TMCO1: variants seen among roughly 807,000 people sequenced by gnomAD.
TMCO1 encodes the protein transmembrane and coiled-coil domains 1, also known as calcium load-activated calcium channel.
Under a neutral mutation model 29.3 loss-of-function variants are expected in TMCO1, and 29 were observed. The observed-to-expected ratio is 0.99, with a 90% CI of 0.74 to 1.35. TMCO1 has a LOEUF of 1.35. Ranked by LOEUF, TMCO1 falls within the 40% of genes most tolerant of loss-of-function variation. TMCO1 has a pLI of 0.00. For missense variants in TMCO1, 173 were observed against 225.5 expected (o/e 0.77, Z 1.49); for synonymous variants, 80 against 77.1 (o/e 1.04, Z -0.20).
At chr1:165,752,794 C>CAAA (rs1383946645) in intron 4 of TMCO1, among the ~76,000 whole-genome samples, 8 of 141,986 alleles carry the variant, frequency 5.6e-5, no homozygotes, top group African/African-American at 2.1e-4. Context: ...GACTCCGTCT[C>CAAA]AAAAAAAAAA....
chr1:165,725,466 G>T, downstream of TMCO1: 1 of 454,022 alleles, frequency 2.2e-6, no homozygotes, highest in Non-Finnish European at 4.4e-6. Context: ...ATAAACTCAG[G>T]TTTACTGTCA....
At chr1:165,741,914 T>C (rs1268897591) in intron 6 of TMCO1, among the ~76,000 whole-genome samples, 1 of 152,194 alleles carries the variant, frequency 6.6e-6, no homozygotes, top group Non-Finnish European at 1.5e-5. Context: ...CCTGAGGACT[T>C]CCCAGAAGTT....
In TMCO1 at chr1:165,727,527, C is replaced by T. The variant is rs1650950901; in HGVS notation, c.*496G>A. ...AGAAATACGGCAAAACAAAATGAAACAGATCTCTCCTTGTACATAAAACAG... is the reference window on the plus strand; with the variant it reads ...AGAAATACGGCAAAACAAAATGAAATAGATCTCTCCTTGTACATAAAACAG... On this transcript the variant is annotated 3_prime_UTR_variant, in exon 7 of 7. Transcript: ENST00000367881. 1 of 453,318 alleles carries T rather than the reference C, an allele frequency of 2.2e-6. No homozygotes were observed. Among genetic ancestry groups the T allele is most frequent in the East Asian group, 7.0e-5 (1 of 14,360 alleles). 28.1% of individuals were successfully genotyped at this position (453,318 alleles called of 1,614,324 possible). A position where few individuals can be genotyped will look rare whatever the true frequency, so the allele number is the denominator to read the frequency against.
At chr1:165,725,501 A>G (rs1374162723), downstream of TMCO1, 6 of 454,136 alleles carry the variant, frequency 1.3e-5, no homozygotes, top group South Asian at 6.2e-5. Flanking sequence ...CTACTTTAGC[A>G]TATTATGATT....
chr1:165,749,497 A>G lies in TMCO1; in HGVS notation c.323+2605T>C, dbSNP rs75693178. ...CCAAAATAAATTGTAGACGAAACAA[A>G]TATTTAAATATAACAAGTAGGCTAG... On this transcript the variant is annotated intron_variant, in intron 5 of 6. Transcript: ENST00000367881. Among the ~76,000 whole-genome samples the G allele has an allele frequency of 1.5e-3, 235 of 152,296 alleles. 2 individuals carry two copies. The highest frequency in any genetic ancestry group is 5.4e-3 in the African/African-American group (223 of 41,566).
chr1:165,766,761 A>AAAATAAATAAAT (rs1553251702), intron 2 of TMCO1, among the ~76,000 whole-genome samples: 40 of 135,508 alleles, frequency 3.0e-4, no homozygotes, highest in African/African-American at 4.8e-4. Flanking sequence ...CCTGTCTCAA[A>AAAATAAATAAAT]AAATAAATAA....
rs1571236734 is a variant in TMCO1, at chr1:165,768,619, A to G, written c.70+63T>C. On this transcript the variant is annotated intron_variant, in intron 1 of 6. Coordinates refer to ENST00000367881, the MANE Select transcript of TMCO1 (RefSeq NM_019026.6). ...CTCGCGATCTTTCCCCTGGTGGCAC[A>G]GGGGACCCCGGGGCCCTTCCTCCCG... 14 of 1,612,814 alleles carry G rather than the reference A, an allele frequency of 8.7e-6. No homozygotes were observed. In the East Asian group the frequency reaches 2.9e-4, roughly 33 times the overall value.
chr1:165,725,209 TAAAA>T (rs1304572498), downstream of TMCO1: 4 of 453,180 alleles, frequency 8.8e-6, no homozygotes, highest in Non-Finnish European at 1.8e-5. Flanking sequence ...TTGAAATACA[TAAAA>T]TAAGTATAAA....
chr1:165,734,866 G>A (rs1413915702), intron 6 of TMCO1, among the ~76,000 whole-genome samples: 1 of 152,072 alleles, frequency 6.6e-6, no homozygotes, highest in Non-Finnish European at 1.5e-5. Context: ...GAGATTAACA[G>A]AAGCCTTTTG....
At chr1:165,744,005 G>A (rs1269799171) in intron 5 of TMCO1, among the ~76,000 whole-genome samples, 1 of 151,804 alleles carries the variant, frequency 6.6e-6, no homozygotes, top group Non-Finnish European at 1.5e-5. Flanking sequence ...GATTACAGAT[G>A]TGCACCACCA....
intron 6 of TMCO1, among the ~76,000 whole-genome samples, chr1:165,728,756 T>C (rs2101783882): frequency 6.6e-6 from 1 of 152,240 alleles, no homozygotes; most frequent in African/African-American, 2.4e-5. Context: ...GCATTTTCTT[T>C]GAGTACGGGT....
chr1:165,752,349 G>A (rs796579970), intron 4 of TMCO1, among the ~76,000 whole-genome samples, 180 bp from the exon 5 acceptor site: 3 of 146,996 alleles, frequency 2.0e-5, no homozygotes, highest in African/African-American at 7.6e-5. Context: ...CCGTCCCCCC[G>A]GGTTCACGCC....
downstream of TMCO1, chr1:165,726,342 C>T (rs1913845): frequency 0.26 from 175,914 of 682,080 alleles, 23,923 homozygotes; most frequent in South Asian, 0.35. Flanking sequence ...ACGTTGACTA[C>T]TTTGTAATAA....
At position 165,728,115 on chromosome 1, in the gene TMCO1, G is replaced by T; in HGVS notation, c.475C>A (p.Gln159Lys). Residue 159 changes from glutamine to lysine, a missense_variant, in exon 7 of 7, where the codon CAG becomes AAG. Coordinates refer to ENST00000367881, the MANE Select transcript of TMCO1 (RefSeq NM_019026.6). ...GAAGGGGCAAGGCCGAGAATCTTCT[G>T]AATGTTCTGTGAAGAAAGCACAGTA... ...LCTMSIRQNI[Q>K]KILGLAPSRA... 6.2e-7 allele frequency: 1 copy of T among 1,607,232 alleles called. No individual in the cohort carries two copies. The highest frequency in any genetic ancestry group is 1.1e-5 in the South Asian group (1 of 90,892).
intron 6 of TMCO1, among the ~76,000 whole-genome samples, chr1:165,739,087 T>C (rs769390614): frequency 6.6e-6 from 1 of 152,120 alleles, no homozygotes; most frequent in Non-Finnish European, 1.5e-5. Flanking sequence ...AACAAACATA[T>C]GAAAATTTTT....
Position 165,727,389 on chromosome 1 carries a change from C to T in TMCO1, c.*634G>A, listed in dbSNP as rs1390226215. 2.2e-6 allele frequency: 1 copy of T among 453,822 alleles called. No homozygotes were observed. The highest frequency in any genetic ancestry group is 2.0e-5 in the African/African-American group (1 of 49,938). The allele number at this position is 453,822 out of a possible 1,614,324, so 28.1% of individuals were successfully genotyped here. ...TCCTTTCCACTCTTGCTTTCCAATT[C>T]CTACACCAAGACAACTCTGTATTTT... On this transcript the variant is annotated 3_prime_UTR_variant, in exon 7 of 7. Transcript: ENST00000367881.
intron 2 of TMCO1, among the ~76,000 whole-genome samples, chr1:165,761,220 T>C (rs540329656): frequency 1.6e-4 from 25 of 152,228 alleles, no homozygotes; most frequent in African/African-American, 5.5e-4. Context: ...AAGTAACAGA[T>C]ACTGTTCTAG....
intron 6 of TMCO1, among the ~76,000 whole-genome samples, chr1:165,731,114 T>C (rs1352882580): frequency 6.6e-6 from 1 of 152,086 alleles, no homozygotes; most frequent in African/African-American, 2.4e-5. Flanking sequence ...TTGGCCAGGA[T>C]GGTCTCGATC....
Position 165,741,838 on chromosome 1 carries a change from CTT to C in TMCO1, c.468+1327_468+1328del, listed in dbSNP as rs1392626298. The stretch of plus-strand genomic sequence containing the variant: ...TGTGTAATACCTCCCACCTCTCTCT[CTT>C]GTTCCTACTCTTGCCATGTGACATG... On this transcript the variant is annotated intron_variant, in intron 6 of 6. Transcript: ENST00000367881. Among the ~76,000 whole-genome samples the C allele has an allele frequency of 3.3e-5, 5 of 152,176 alleles. 1 individual carries two copies. Among genetic ancestry groups the C allele is most frequent in the Non-Finnish European group, 7.3e-5 (5 of 68,030 alleles).
Sources: allele counts gnomAD v4.1 joint callset (sites outside exome capture counted in the v4.1 genomes callset), GRCh38; gene constraint gnomAD v4.1.1; transcripts MANE v1.5; gene names NCBI Gene and HGNC (gene_info 2026-07-23, HGNC 2026-07-21).